Variants in TECRL observed in about 807,000 individuals in gnomAD.
TECRL encodes trans-2,3-enoyl-CoA reductase-like.
In TECRL, 63 loss-of-function variants were observed where a neutral mutation model predicts 52.8. The ratio of observed to expected loss-of-function variants is 1.19; its 90% CI spans 0.97 to 1.47. The LOEUF (loss-of-function observed/expected upper bound fraction) is 1.47. Among genes scored for constraint, TECRL ranks in the 40% most tolerant of loss-of-function variants. The probability of loss-of-function intolerance (pLI) is 0.00; values close to 1 mark genes in which losing one functional copy is unlikely to be tolerated. For missense variants in TECRL, 482 were observed against 429.6 expected (o/e 1.12, Z -1.08); for synonymous variants, 164 against 141.9 (o/e 1.16, Z -1.10).
intron 7 of TECRL, among the ~76,000 whole-genome samples, chr4:64,300,823 T>C (rs1723976468): frequency 6.6e-6 from 1 of 151,010 alleles, no homozygotes; most frequent in South Asian, 2.1e-4. Context: ...TATTAAACAC[T>C]CATTGTCATA....
intron 2 of TECRL, among the ~76,000 whole-genome samples, chr4:64,366,156 C>T (rs965854373): frequency 8.5e-5 from 13 of 152,130 alleles, no homozygotes; most frequent in Non-Finnish European, 1.2e-4. Context: ...ATTCAATAAA[C>T]GGCACATGGA....
At chr4:64,340,855 C>T (rs1386656468) in intron 2 of TECRL, among the ~76,000 whole-genome samples, 2 of 152,180 alleles carry the variant, frequency 1.3e-5, no homozygotes, top group Non-Finnish European at 2.9e-5. Flanking sequence ...TCAGAGTACA[C>T]TTCCTTCCAT....
chr4:64,308,558 C>T (rs931801201), intron 6 of TECRL, among the ~76,000 whole-genome samples: 14 of 152,080 alleles, frequency 9.2e-5, no homozygotes, highest in Admixed American at 2.6e-4. Context: ...AGAATTTATC[C>T]GAATTTATCC....
At chr4:64,329,567 T>C (rs1345375442) in intron 2 of TECRL, among the ~76,000 whole-genome samples, 1 of 152,024 alleles carries the variant, frequency 6.6e-6, no homozygotes, top group Non-Finnish European at 1.5e-5. Flanking sequence ...CTATTATGTG[T>C]GGGTATTGTA....
intron 9 of TECRL, among the ~76,000 whole-genome samples, chr4:64,289,274 T>C (rs1396787028): frequency 6.6e-6 from 1 of 152,198 alleles, no homozygotes; most frequent in Non-Finnish European, 1.5e-5. Context: ...TCAGTGCCAT[T>C]GTATTTTTCA....
At chr4:64,280,901 TA>T in intron 11 of TECRL, 139 bp downstream of exon 11, 2 of 492,330 alleles carry the variant, frequency 4.1e-6, no homozygotes, top group Non-Finnish European at 6.9e-6. Flanking sequence ...TTAATACTGC[TA>T]AAAATCAAAC....
intron 2 of TECRL, among the ~76,000 whole-genome samples, chr4:64,338,688 A>T (rs1719315321): frequency 6.6e-6 from 1 of 152,246 alleles, no homozygotes; most frequent in Non-Finnish European, 1.5e-5. Flanking sequence ...TAAAATGTTC[A>T]TCATCACTGA....
At chr4:64,377,845 G>A (rs1228332585) in intron 1 of TECRL, among the ~76,000 whole-genome samples, 2 of 151,884 alleles carry the variant, frequency 1.3e-5, no homozygotes, top group African/African-American at 2.4e-5. Flanking sequence ...TTTTAAAACC[G>A]TATTTTAGCC....
chr4:64,328,547 C>T lies in TECRL; in HGVS notation c.296G>A (p.Trp99Ter), dbSNP rs765263983. 1.2e-6 allele frequency: 2 copies of T among 1,610,272 alleles called. No homozygotes were observed. The highest frequency in any genetic ancestry group is 2.2e-5 in the South Asian group (2 of 90,714). The change falls in exon 3 of 12, where the codon TGG (tryptophan) becomes TAG (stop). Residue 99 changes from tryptophan to a stop codon, truncating the protein, a stop_gained. Transcript: ENST00000381210. LOFTEE classifies it high-confidence loss of function. ...CTGCAGACCAACTCGAGAAGGGTAC[C>T]ACTTTGGACCTATTCAATGAAAAAT... ...KQKFHKACPK[W>*]YPSRVGLQLE...
chr4:64,367,229 T>C (rs1344871319), intron 2 of TECRL, among the ~76,000 whole-genome samples: 1 of 105,724 alleles, frequency 9.5e-6, no homozygotes, highest in Admixed American at 1.2e-4. Flanking sequence ...CACTGGAGCC[T>C]GCTTGAGGGT....
chr4:64,361,234 G>A (rs902144140), intron 2 of TECRL, among the ~76,000 whole-genome samples: 9 of 151,970 alleles, frequency 5.9e-5, no homozygotes, highest in Non-Finnish European at 8.8e-5. Flanking sequence ...ACCCACACAC[G>A]GCAGTCCTCC....
intron 1 of TECRL, among the ~76,000 whole-genome samples, chr4:64,382,191 G>GTATATATATATATA (rs200934355): frequency 7.5e-5 from 1 of 13,378 alleles, no homozygotes; most frequent in Non-Finnish European, 2.8e-4. Context: ...GGAAATTTCT[G>GTATATATATATATA]TATATATATA....
intron 3 of TECRL, among the ~76,000 whole-genome samples, chr4:64,324,592 A>G (rs1718123254): frequency 6.6e-6 from 1 of 152,082 alleles, no homozygotes; most frequent in African/African-American, 2.4e-5. Context: ...GAAACAAAAA[A>G]TATACAATTA....
chr4:64,352,905 C>A (rs1720496440), intron 2 of TECRL, among the ~76,000 whole-genome samples: 1 of 152,060 alleles, frequency 6.6e-6, no homozygotes, highest in African/African-American at 2.4e-5. Context: ...ATTGTTTTTA[C>A]AGATGGAGTC....
chr4:64,311,801 T>G (rs1717020723), intron 5 of TECRL, among the ~76,000 whole-genome samples: 1 of 152,204 alleles, frequency 6.6e-6, no homozygotes, highest in South Asian at 2.1e-4. Flanking sequence ...AAATTAACTG[T>G]AAAACCATAA....
intron 2 of TECRL, among the ~76,000 whole-genome samples, chr4:64,339,537 A>G (rs1577899115): frequency 6.6e-6 from 1 of 151,932 alleles, no homozygotes; most frequent in African/African-American, 2.4e-5. Context: ...ATTTCTTCTA[A>G]TTGCTATGTC....
intron 1 of TECRL, among the ~76,000 whole-genome samples, chr4:64,376,377 C>A (rs190085780): frequency 2.0e-5 from 3 of 151,850 alleles, no homozygotes; most frequent in African/African-American, 4.8e-5. Flanking sequence ...CTAAAACATT[C>A]TGTGTATATA....
chr4:64,345,128 C>T (rs1719857628), intron 2 of TECRL, among the ~76,000 whole-genome samples: 1 of 152,108 alleles, frequency 6.6e-6, no homozygotes, highest in South Asian at 2.1e-4. Flanking sequence ...ACTAGTTCAA[C>T]CATTGTGGAA....
intron 9 of TECRL, among the ~76,000 whole-genome samples, chr4:64,288,426 C>T (rs186968162): frequency 6.6e-6 from 1 of 152,072 alleles, no homozygotes; most frequent in Non-Finnish European, 1.5e-5. Context: ...AGTCCTCAGG[C>T]ATTTGAAGCA....
Sources: gnomAD v4.1 joint callset for allele counts (sites outside exome capture counted in the v4.1 genomes callset) on GRCh38, gnomAD v4.1.1 for gene constraint, MANE v1.5 for transcripts, NCBI Gene and HGNC (gene_info 2026-07-23, HGNC 2026-07-21) for gene names.